CLCN5: variants seen among roughly 807,000 people sequenced by gnomAD.
The protein encoded by CLCN5 is Cl-/H+ antiporter 5, also known as H(+)/Cl(-) exchange transporter 5.
In CLCN5, 17 loss-of-function variants were observed where a neutral mutation model predicts 54.0. That is an observed-to-expected ratio of 0.31 (90% CI 0.22 to 0.47). The LOEUF (loss-of-function observed/expected upper bound fraction) is 0.47, where lower values mean the gene tolerates loss of function less well. Ranked by LOEUF, CLCN5 falls within the 20% of genes least tolerant of loss-of-function variation. CLCN5 has a pLI of 1.00. For missense variants in CLCN5, 448 were observed against 646.7 expected (o/e 0.69, Z 3.33); for synonymous variants, 222 against 233.0 (o/e 0.95, Z 0.43).
At position 49,963,944 on chromosome X, in the gene CLCN5, T is replaced by C. The variant is rs914325799; in HGVS notation, c.16+38630T>C. ...ACCAGTTAGGTGGTAACTCTACCTC[T>C]TTATTCCCTATTTGGATGTAATGCA... is the stretch of plus-strand genomic sequence containing the variant. On this transcript the variant is annotated intron_variant, in intron 3 of 14. Coordinates refer to ENST00000376091, the MANE Select transcript of CLCN5 (RefSeq NM_001127898.4). Among the ~76,000 whole-genome samples, 3 of 112,236 alleles carry C rather than the reference T, an allele frequency of 2.7e-5. No homozygotes were observed. In the South Asian group the frequency reaches 1.1e-3, roughly 42 times the overall value.
In CLCN5 at chrX:50,092,380, G is replaced by A; in HGVS notation, c.*161G>A. On this transcript the variant is annotated 3_prime_UTR_variant, in exon 15 of 15. Transcript: ENST00000376091. ...TAACCAGTTGCACTACATAATCTCTGGAAATTAATTTTCTCTTTAGGAGAA... is the reference window on the plus strand; with the variant it reads ...TAACCAGTTGCACTACATAATCTCTAGAAATTAATTTTCTCTTTAGGAGAA... 2.3e-6 allele frequency: 1 copy of A among 439,232 alleles called. No homozygotes were observed. The highest frequency in any genetic ancestry group is 3.9e-5 in the South Asian group (1 of 25,878). 36.2% of individuals were successfully genotyped at this position (439,232 alleles called of 1,213,427 possible). A position where few individuals can be genotyped will look rare whatever the true frequency, so the allele number is the denominator to read the frequency against.
chrX:49,990,023 A>G (rs186326644), intron 3 of CLCN5, among the ~76,000 whole-genome samples: 14 of 111,908 alleles, frequency 1.3e-4, no homozygotes, highest in Admixed American at 5.7e-4. Flanking sequence ...AAGCAGTGGC[A>G]TTTCCATCTC....
At chrX:50,026,463 G>A (rs1931394605) in intron 3 of CLCN5, among the ~76,000 whole-genome samples, 1 of 111,311 alleles carries the variant, frequency 9.0e-6, no homozygotes, top group Admixed American at 9.6e-5. Flanking sequence ...ACTAATAGAG[G>A]GGTGGTGAAG....
At position 49,993,851 on chromosome X, in the gene CLCN5, C is replaced by A. The variant is rs781824723; in HGVS notation, c.17-48465C>A. 7.2e-5 allele frequency among the ~76,000 whole-genome samples: 8 copies of A among 111,586 alleles called. No homozygotes were observed. In the East Asian group the frequency reaches 2.0e-3, roughly 28 times the overall value. On this transcript the variant is annotated intron_variant, in intron 3 of 14. Coordinates refer to ENST00000376091, the MANE Select transcript of CLCN5 (RefSeq NM_001127898.4). ...AAATTGGCTTGACTTGAGAAGAGAT[C>A]TGTGGGGCAGCTGGGAAGCAGGGCA...
chrX:50,076,810 A>G (rs140336691), intron 7 of CLCN5, among the ~76,000 whole-genome samples: 1,762 of 112,383 alleles, frequency 0.016, 31 homozygotes, highest in African/African-American at 0.054. Flanking sequence ...CTGAGATTAC[A>G]GGCATGAGCC....
Position 49,922,665 on chromosome X carries a change from G to A in CLCN5, c.-332G>A, listed in dbSNP as rs1000801716. 8.8e-6 allele frequency: 1 copy of A among 113,201 alleles called. No individual in the cohort carries two copies. Among genetic ancestry groups the A allele is most frequent in the Non-Finnish European group, 1.9e-5 (1 of 53,345 alleles). The allele number at this position is 113,201 out of a possible 1,213,427, so 9.3% of individuals were successfully genotyped here. On this transcript the variant is annotated 5_prime_UTR_variant, in exon 1 of 15. The change creates a new upstream start codon in the 5' untranslated region. Coordinates refer to ENST00000376091, the MANE Select transcript of CLCN5 (RefSeq NM_001127898.4). ...GCTCCCCCTCCTCCCCGGCTGGGCT[G>A]TGTGAATGAAGCTCTGCCGGCTACG...
chrX:50,051,098 T>C (rs924885067), intron 4 of CLCN5, among the ~76,000 whole-genome samples: 3 of 112,282 alleles, frequency 2.7e-5, no homozygotes, highest in African/African-American at 9.7e-5. Context: ...CATCACTGAA[T>C]CCAAAATCAT....
At chrX:50,029,550 CATT>C (rs782608228) in intron 3 of CLCN5, among the ~76,000 whole-genome samples, 1 of 111,281 alleles carries the variant, frequency 9.0e-6, no homozygotes, top group African/African-American at 3.3e-5. Context: ...TCCAGTCTGT[CATT>C]GTTGGACATT....
chrX:49,956,440 C>T (rs1025971691), intron 3 of CLCN5, among the ~76,000 whole-genome samples: 9 of 112,292 alleles, frequency 8.0e-5, no homozygotes, highest in Non-Finnish European at 1.5e-4. Flanking sequence ...ATCATTAAAT[C>T]AGCTAATAAA....
rs1364823023 is a variant in CLCN5, at chrX:50,092,925, G to A, written c.*706G>A. On this transcript the variant is annotated 3_prime_UTR_variant, in exon 15 of 15. Transcript: ENST00000376091. ...ACTCTTTTGAAGTGCACAAAGATAA[G>A]TTATAGAGCTTTCTCCTTGTCTGCA... 8.9e-6 allele frequency: 1 copy of A among 112,620 alleles called. No individual in the cohort carries two copies. The highest frequency in any genetic ancestry group is 1.9e-5 in the Non-Finnish European group (1 of 53,303). The allele number at this position is 112,620 out of a possible 1,213,427, so 9.3% of individuals were successfully genotyped here.
chrX:50,061,926 G>A (rs1428011343), intron 4 of CLCN5, among the ~76,000 whole-genome samples: 41 of 63,630 alleles, frequency 6.4e-4, no homozygotes, highest in Non-Finnish European at 1.1e-3. Flanking sequence ...AAGTGAAGGA[G>A]AAATAAAATA....
chrX:50,069,528 G>C, intron 4 of CLCN5: 1 of 774,085 alleles, frequency 1.3e-6, no homozygotes. Context: ...AAGTGCCTTT[G>C]ACCCTTTTGT....
chrX:50,064,004 G>T (rs1215085964), intron 4 of CLCN5, among the ~76,000 whole-genome samples: 1 of 107,232 alleles, frequency 9.3e-6, no homozygotes, highest in Admixed American at 1.0e-4. Context: ...TTGATGGGAC[G>T]TATGTCAAAA....
chrX:49,927,575 T>G (rs1925412631), intron 3 of CLCN5, among the ~76,000 whole-genome samples: 1 of 112,238 alleles, frequency 8.9e-6, no homozygotes, highest in Admixed American at 9.4e-5. Context: ...TACGAGGCCT[T>G]GGGCAAGTAA....
At chrX:49,953,295 C>T (rs1927147759) in intron 3 of CLCN5, among the ~76,000 whole-genome samples, 1 of 111,633 alleles carries the variant, frequency 9.0e-6, no homozygotes, top group South Asian at 3.7e-4. Context: ...TCTACAATAA[C>T]TTTTTTGTGT....
intron 2 of CLCN5, among the ~76,000 whole-genome samples, chrX:49,924,360 G>T (rs1925231103): frequency 9.0e-6 from 1 of 111,122 alleles, no homozygotes; most frequent in Non-Finnish European, 1.9e-5. Context: ...GTAGAGACGG[G>T]GTTTCACCAT....
intron 4 of CLCN5, among the ~76,000 whole-genome samples, chrX:50,068,321 A>G (rs1557191143): frequency 9.0e-6 from 1 of 110,998 alleles, no homozygotes; most frequent in Non-Finnish European, 1.9e-5. Context: ...CAAGAAACAC[A>G]TCAGCTTTCA....
intron 3 of CLCN5, among the ~76,000 whole-genome samples, chrX:49,984,184 A>T (rs1444699936): frequency 8.9e-6 from 1 of 111,991 alleles, no homozygotes; most frequent in Non-Finnish European, 1.9e-5. Flanking sequence ...TACCCTATTT[A>T]TTCACTTAAT....
intron 3 of CLCN5, chrX:49,945,467 T>TG (rs1178338800): frequency 1.6e-3 from 177 of 109,640 alleles, no homozygotes; most frequent in African/African-American, 5.6e-3. Flanking sequence ...TTTTTTAAGA[T>TG]GGAGTCTTAC....
Sources: gnomAD v4.1 joint callset for allele counts (sites outside exome capture counted in the v4.1 genomes callset) on GRCh38, gnomAD v4.1.1 for gene constraint, MANE v1.5 for transcripts, NCBI Gene and HGNC (gene_info 2026-07-23, HGNC 2026-07-21) for gene names.